SPAG16: variants seen among roughly 807,000 people sequenced by gnomAD.
SPAG16 encodes the protein sperm-associated antigen 16 protein.
SPAG16 carries 86 observed loss-of-function variants against 80.4 expected under a neutral mutation model. That is an observed-to-expected ratio of 1.07 (90% confidence interval 0.90 to 1.28). The LOEUF (loss-of-function observed/expected upper bound fraction) is 1.28, where lower values mean the gene tolerates loss of function less well. Among genes scored for constraint, SPAG16 ranks in the 50% most tolerant of loss-of-function variants. The pLI is 0.00. For synonymous variants in SPAG16, 294 were observed against 265.9 expected, an observed-to-expected ratio of 1.11 and a Z score of -1.03; for missense variants, 870 against 765.3, an observed-to-expected ratio of 1.14 and a Z score of -1.61.
intron 15 of SPAG16, among the ~76,000 whole-genome samples, chr2:214,273,628 G>A (rs927925938): frequency 6.6e-5 from 10 of 152,032 alleles, no homozygotes; most frequent in Admixed American, 5.9e-4. Flanking sequence ...TTATTCCTGA[G>A]GCCTCTGTTC....
intron 10 of SPAG16, among the ~76,000 whole-genome samples, chr2:213,520,086 A>G (rs943466633): frequency 6.7e-6 from 1 of 148,516 alleles, no homozygotes; most frequent in African/African-American, 2.5e-5. Context: ...GAGCAAGAGC[A>G]AGAGAGAGAG....
intron 9 of SPAG16, among the ~76,000 whole-genome samples, chr2:213,482,787 A>G (rs980308361): frequency 6.6e-6 from 1 of 152,166 alleles, no homozygotes; most frequent in Admixed American, 6.5e-5. Context: ...GATTGTTAAT[A>G]AGGTGGCAAA....
intron 15 of SPAG16, among the ~76,000 whole-genome samples, chr2:214,339,400 A>T (rs749813625): frequency 1.3e-4 from 20 of 152,250 alleles, no homozygotes; most frequent in Non-Finnish European, 2.2e-4. Context: ...GTATTATAAA[A>T]TAAAGTAAGT....
intron 13 of SPAG16, among the ~76,000 whole-genome samples, chr2:214,054,887 A>G (rs144994987): frequency 1.3e-5 from 2 of 152,306 alleles, no homozygotes; most frequent in African/African-American, 4.8e-5. Flanking sequence ...CTATTGGGGA[A>G]AGCTGAAAAT....
chr2:213,396,789 T>C (rs992428493), intron 9 of SPAG16: 14 of 376,644 alleles, frequency 3.7e-5, no homozygotes, highest in Admixed American at 3.6e-4. Context: ...CTCCCTTTCG[T>C]CAACACCCAT....
In SPAG16 at chr2:213,812,389, T is replaced by A. The variant is rs555567837; in HGVS notation, c.1071-50096T>A. Among the ~76,000 whole-genome samples, 10 of 152,326 alleles carry A rather than the reference T, an allele frequency of 6.6e-5. No individual in the cohort carries two copies. In the East Asian group the frequency reaches 1.9e-3, roughly 29 times the overall value. ...TCTCTGACCTGATGCAGGTCTAAGT[T>A]AGTAGTTGGAGGCTAAGAGACTCAG... On this transcript the variant is annotated intron_variant, in intron 10 of 15. Coordinates refer to ENST00000331683, the MANE Select transcript of SPAG16 (RefSeq NM_024532.5).
intron 10 of SPAG16, among the ~76,000 whole-genome samples, chr2:213,770,250 A>G (rs2069169378): frequency 6.6e-6 from 1 of 151,690 alleles, no homozygotes; most frequent in East Asian, 1.9e-4. Context: ...TTTTTTTCTT[A>G]TTTTTTTGTT....
chr2:213,436,346 G>T (rs1206411309), intron 9 of SPAG16, among the ~76,000 whole-genome samples: 2 of 152,138 alleles, frequency 1.3e-5, no homozygotes, highest in Non-Finnish European at 2.9e-5. Flanking sequence ...TCCTCTGAAA[G>T]CAGTTAAATT....
At chr2:213,921,567 GTCA>G (rs2078226313) in intron 11 of SPAG16, among the ~76,000 whole-genome samples, 1 of 152,118 alleles carries the variant, frequency 6.6e-6, no homozygotes, top group Non-Finnish European at 1.5e-5. Flanking sequence ...ATTTGATCCT[GTCA>G]TCATATTGTT....
At chr2:213,955,071 T>C (rs2044051756) in intron 12 of SPAG16, among the ~76,000 whole-genome samples, 2 of 152,294 alleles carry the variant, frequency 1.3e-5, no homozygotes, top group Admixed American at 1.3e-4. Context: ...ATTAGGCAAA[T>C]AATTTTCAAA....
chr2:214,396,811 G>A (rs568544832), intron 15 of SPAG16, among the ~76,000 whole-genome samples: 4 of 151,888 alleles, frequency 2.6e-5, no homozygotes, highest in African/African-American at 9.6e-5. Context: ...TTAGTATTCA[G>A]AACTTTTTAT....
intron 10 of SPAG16, among the ~76,000 whole-genome samples, chr2:213,676,339 T>G (rs1018331357): frequency 2.6e-4 from 40 of 152,168 alleles, no homozygotes; most frequent in South Asian, 1.5e-3. Context: ...CAGGGACAAT[T>G]TGACTTCCTC....
intron 9 of SPAG16, among the ~76,000 whole-genome samples, chr2:213,416,423 T>C (rs149629723): frequency 1.3e-5 from 2 of 152,084 alleles, no homozygotes; most frequent in Non-Finnish European, 2.9e-5. Context: ...CCTATATTGG[T>C]TACTGGAAAA....
At chr2:214,256,562 T>G (rs6752968) in intron 15 of SPAG16, among the ~76,000 whole-genome samples, 97,781 of 151,092 alleles carry the variant, frequency 0.65, 31,794 homozygotes, top group South Asian at 0.71. Flanking sequence ...TTTCTGTATG[T>G]TATAAATCTG....
chr2:213,949,179 T>TTTTTTTTTTTTTGTTTTTTTTTTTTTTG (rs1553677672), intron 12 of SPAG16, among the ~76,000 whole-genome samples: 1 of 36,244 alleles, frequency 2.8e-5, no homozygotes, highest in Non-Finnish European at 5.5e-5. Context: ...GTTTTTTTTT[T>TTTTTTTTTTTTTGTTTTTTTTTTTTTTG]TTTTTTTTTT....
chr2:213,840,768 T>C (rs1425600946), intron 10 of SPAG16, among the ~76,000 whole-genome samples: 1 of 152,098 alleles, frequency 6.6e-6, no homozygotes, highest in Non-Finnish European at 1.5e-5. Flanking sequence ...GAACAACCTG[T>C]CACTAGGTAG....
intron 9 of SPAG16, among the ~76,000 whole-genome samples, chr2:213,385,777 TTTC>T (rs2067396803): frequency 1.9e-5 from 2 of 104,470 alleles, no homozygotes; most frequent in South Asian, 7.5e-4. Flanking sequence ...TTGTCTCAGA[TTTC>T]TTCATCTCTG....
chr2:213,528,272 T>G (rs1214263727), intron 10 of SPAG16, among the ~76,000 whole-genome samples: 1 of 152,070 alleles, frequency 6.6e-6, no homozygotes, highest in Non-Finnish European at 1.5e-5. Context: ...TCTAAGATAC[T>G]ATTATAATAC....
intron 10 of SPAG16, among the ~76,000 whole-genome samples, chr2:213,551,391 G>A (rs1489270519): frequency 9.9e-5 from 15 of 152,212 alleles, no homozygotes; most frequent in Admixed American, 9.8e-4. Context: ...GAACTCTGCA[G>A]TATTTTACTT....
Sources: allele counts gnomAD v4.1 joint callset (sites outside exome capture counted in the v4.1 genomes callset), GRCh38; gene constraint gnomAD v4.1.1; transcripts MANE v1.5; gene names NCBI Gene and HGNC (gene_info 2026-07-23, HGNC 2026-07-21).